AFG2A: variants seen among roughly 807,000 people sequenced by gnomAD.
AFG2A encodes the protein ATPase family gene 2 protein homolog A.
At chr4:123,282,264 C>T in the AFG2A span, among the ~76,000 whole-genome samples, 943 of 152,238 alleles carry the variant, frequency 6.2e-3, 5 homozygotes, top group African/African-American at 0.021. Context: ...ACTCACTGAG[C>T]CTTTCCTCAT....
chr4:123,000,180 C>T, the AFG2A span, among the ~76,000 whole-genome samples: 1 of 150,260 alleles, frequency 6.7e-6, no homozygotes, highest in Admixed American at 6.6e-5. Flanking sequence ...GCTGAAGTTG[C>T]TTATCAGCTT....
chr4:123,238,117 C>G, the AFG2A span, among the ~76,000 whole-genome samples: 1 of 152,184 alleles, frequency 6.6e-6, no homozygotes, highest in Non-Finnish European at 1.5e-5. Context: ...TGCAGCCTGG[C>G]AGGGGGAGGG....
chr4:122,923,384 G>A, the AFG2A span: 2 of 1,570,472 alleles, frequency 1.3e-6, no homozygotes, highest in Non-Finnish European at 1.7e-6. Flanking sequence ...ACTGACTTGG[G>A]GTGCAGAGAC....
chr4:123,165,192 A>C, the AFG2A span, among the ~76,000 whole-genome samples: 1 of 152,152 alleles, frequency 6.6e-6, no homozygotes, highest in South Asian at 2.1e-4. Flanking sequence ...AAAAAGGTAG[A>C]TTATTAGTTG....
the AFG2A span, among the ~76,000 whole-genome samples, chr4:122,997,557 G>T: frequency 1.3e-5 from 2 of 152,080 alleles, no homozygotes; most frequent in East Asian, 3.9e-4. Flanking sequence ...GGACAATTGG[G>T]TTGTTTCTAC....
At chr4:123,071,437 G>A in the AFG2A span, among the ~76,000 whole-genome samples, 9 of 150,486 alleles carry the variant, frequency 6.0e-5, no homozygotes, top group Non-Finnish European at 1.3e-4. Flanking sequence ...CCGAGATGGC[G>A]CCATTGCACT....
chr4:123,269,033 C>A, the AFG2A span, among the ~76,000 whole-genome samples: 2,131 of 152,308 alleles, frequency 0.014, 58 homozygotes, highest in African/African-American at 0.048. Context: ...AAAGTATTGT[C>A]TGAAGAAACC....
At chr4:123,028,764 C>T in the AFG2A span, among the ~76,000 whole-genome samples, 3 of 152,030 alleles carry the variant, frequency 2.0e-5, no homozygotes, top group South Asian at 6.2e-4. Context: ...ATTTACATAC[C>T]TAGAATTTTC....
the AFG2A span, among the ~76,000 whole-genome samples, chr4:123,009,119 G>C: frequency 6.6e-6 from 1 of 152,108 alleles, no homozygotes; most frequent in East Asian, 1.9e-4. Flanking sequence ...AAGGTGCATG[G>C]GTAACGTCCA....
the AFG2A span, among the ~76,000 whole-genome samples, chr4:123,078,343 C>T: frequency 6.6e-6 from 1 of 152,084 alleles, no homozygotes; most frequent in South Asian, 2.1e-4. Flanking sequence ...CCTTAATGAA[C>T]GTCAAGGAAT....
chr4:122,965,482 T>C, the AFG2A span, among the ~76,000 whole-genome samples: 1 of 152,206 alleles, frequency 6.6e-6, no homozygotes, highest in Non-Finnish European at 1.5e-5. Context: ...GACATTTGGC[T>C]CTCTAAAGCA....
chr4:123,294,145 T>C, the AFG2A span, among the ~76,000 whole-genome samples: 1 of 151,744 alleles, frequency 6.6e-6, no homozygotes, highest in Admixed American at 6.6e-5. Context: ...CAGAGGGGAG[T>C]GATGTTGCGT....
At chr4:123,196,547 C>G in the AFG2A span, among the ~76,000 whole-genome samples, 7 of 151,956 alleles carry the variant, frequency 4.6e-5, no homozygotes, top group South Asian at 1.5e-3. Flanking sequence ...TTTTTTTCCA[C>G]ATGAGACCAT....
the AFG2A span, among the ~76,000 whole-genome samples, chr4:123,012,594 C>T: frequency 4.6e-5 from 7 of 152,264 alleles, no homozygotes; most frequent in African/African-American, 1.4e-4. Context: ...AGTGATTAAA[C>T]ACCGAGGGAA....
the AFG2A span, among the ~76,000 whole-genome samples, chr4:122,996,570 C>CAGATAGAT: frequency 0.2 from 28,452 of 139,426 alleles, 3,034 homozygotes; most frequent in Middle Eastern, 0.26. Context: ...GGTAGGTAGG[C>CAGATAGAT]AGATAGATAG....
At chr4:123,106,607 C>G in the AFG2A span, among the ~76,000 whole-genome samples, 84 of 152,360 alleles carry the variant, frequency 5.5e-4, no homozygotes, top group Non-Finnish European at 9.1e-4. Flanking sequence ...TGCTTCTCCG[C>G]TCTTTTACCA....
At chr4:123,252,550 A>G in the AFG2A span, among the ~76,000 whole-genome samples, 1 of 152,214 alleles carries the variant, frequency 6.6e-6, no homozygotes, top group East Asian at 1.9e-4. Flanking sequence ...AAATATCTTT[A>G]TTCCTCTTTA....
At chr4:123,002,683 C>T in the AFG2A span, among the ~76,000 whole-genome samples, 2 of 152,182 alleles carry the variant, frequency 1.3e-5, no homozygotes, top group South Asian at 2.1e-4. Flanking sequence ...CGCTGTTAGT[C>T]TGATGGGCTT....
At chr4:123,177,856 T>A in the AFG2A span, among the ~76,000 whole-genome samples, 2 of 152,172 alleles carry the variant, frequency 1.3e-5, no homozygotes, top group Non-Finnish European at 1.5e-5. Context: ...GAAGATCAGC[T>A]CATGCATTTG....
Sources: allele counts gnomAD v4.1 joint callset (sites outside exome capture counted in the v4.1 genomes callset), GRCh38; gene constraint gnomAD v4.1.1; transcripts MANE v1.5; gene names NCBI Gene and HGNC (gene_info 2026-07-23, HGNC 2026-07-21).